The following ZNRF3 variants were observed in gnomAD, a reference collection of about 807,000 sequenced individuals.
ZNRF3 encodes zinc and ring finger 3.
ZNRF3 carries 23 observed loss-of-function variants against 72.5 expected under a neutral mutation model. That is an observed-to-expected ratio of 0.32 (90% confidence interval 0.23 to 0.45). The LOEUF (loss-of-function observed/expected upper bound fraction) is 0.45, where lower values mean the gene tolerates loss of function less well. Ranked by LOEUF, ZNRF3 falls within the 20% of genes least tolerant of loss-of-function variation. The pLI is 1.00. For synonymous variants in ZNRF3, 610 were observed against 545.3 expected, an observed-to-expected ratio of 1.12 and a Z score of -1.65; for missense variants, 1,169 against 1,272.1, an observed-to-expected ratio of 0.92 and a Z score of 1.23.
At position 29,022,456 on chromosome 22, in the gene ZNRF3, GGT is replaced by G. The variant is rs540343092; in HGVS notation, c.427-20038_427-20037del. Among the ~76,000 whole-genome samples the G allele has an allele frequency of 1.7e-3, 252 of 152,304 alleles. 1 individual carries two copies. Among genetic ancestry groups the G allele is most frequent in the Middle Eastern group, 6.8e-3 (2 of 294 alleles). ...AGCCTGGTATTTCTGAGTCTTGGTTGGTCCCTGCCCATCACTGGATCTTGGTG... is the reference window on the plus strand; with the variant it reads ...AGCCTGGTATTTCTGAGTCTTGGTTGCCCTGCCCATCACTGGATCTTGGTG... On this transcript the variant is annotated intron_variant, in intron 2 of 8. Transcript: ENST00000544604.
chr22:29,030,824 G>A lies in ZNRF3; in HGVS notation c.427-11671G>A, dbSNP rs561228886. ...AGGGCTCCTGGCGCGGGGAGGAGCC[G>A]CGGGAGGGGGGATGTTGGCCGCAGG... is the stretch of plus-strand genomic sequence containing the variant. On this transcript the variant is annotated intron_variant, in intron 2 of 8. Coordinates refer to ENST00000544604, the MANE Select transcript of ZNRF3 (RefSeq NM_001206998.2). This position sits in a 1 kb window ranked among gnomAD's most constrained non-coding sequence, Gnocchi z 4.2. Among the ~76,000 whole-genome samples the A allele has an allele frequency of 6.6e-6, 1 of 152,244 alleles. No individual in the cohort carries two copies. The highest frequency in any genetic ancestry group is 1.9e-4 in the East Asian group (1 of 5,170).
At position 29,030,946 on chromosome 22, in the gene ZNRF3, C is replaced by A; in HGVS notation, c.427-11549C>A. On this transcript the variant is annotated intron_variant, in intron 2 of 8. Coordinates refer to ENST00000544604, the MANE Select transcript of ZNRF3 (RefSeq NM_001206998.2). This position sits in a 1 kb window ranked among gnomAD's most constrained non-coding sequence, Gnocchi z 4.2. ...GCCGGGCTGCAGCCAAGCCCTGGAG[C>A]GAGGAGCCGGCGGGTGGAGCTGGCA... 6.6e-6 allele frequency: 1 copy of A among 152,640 alleles called. No homozygotes were observed. The highest frequency in any genetic ancestry group is 1.5e-5 in the Non-Finnish European group (1 of 68,328). The allele number at this position is 152,640 out of a possible 1,614,324, so 9.5% of individuals were successfully genotyped here. A position where few individuals can be genotyped will look rare whatever the true frequency, so the allele number is the denominator to read the frequency against.
intron 2 of ZNRF3, among the ~76,000 whole-genome samples, chr22:29,008,764 C>T (rs2036300919): frequency 6.6e-6 from 1 of 152,146 alleles, no homozygotes; most frequent in African/African-American, 2.4e-5. Context: ...CCAGCTTTAA[C>T]CAGAAGGACT....
At chr22:29,016,262 G>A (rs1429914686) in intron 2 of ZNRF3, among the ~76,000 whole-genome samples, 1 of 152,204 alleles carries the variant, frequency 6.6e-6, no homozygotes, top group Admixed American at 6.5e-5. Context: ...TCTGGGAGGT[G>A]AAGTGGTATG....
chr22:28,947,239 C>T (rs2035069343), intron 1 of ZNRF3, among the ~76,000 whole-genome samples: 2 of 152,190 alleles, frequency 1.3e-5, no homozygotes, highest in African/African-American at 4.8e-5. Context: ...TGTGGATATA[C>T]CACATTTTAT....
intron 1 of ZNRF3, among the ~76,000 whole-genome samples, chr22:28,981,309 G>C (rs1276176315): frequency 6.6e-6 from 1 of 152,174 alleles, no homozygotes; most frequent in South Asian, 2.1e-4. Flanking sequence ...TTGTTATCCA[G>C]ATAAGGACCT....
intron 1 of ZNRF3, among the ~76,000 whole-genome samples, chr22:28,909,073 G>T (rs7364229): frequency 0.23 from 35,558 of 151,382 alleles, 4,540 homozygotes; most frequent in East Asian, 0.48. Context: ...TTTTTTTTGT[G>T]TGTGTGTATT....
At chr22:28,980,881 C>T (rs2035752194) in intron 1 of ZNRF3, among the ~76,000 whole-genome samples, 1 of 151,974 alleles carries the variant, frequency 6.6e-6, no homozygotes, top group Non-Finnish European at 1.5e-5. Context: ...ATTAGTAGTT[C>T]TTGAGTTCTT....
intron 2 of ZNRF3, among the ~76,000 whole-genome samples, chr22:29,010,562 T>G (rs996939690): frequency 1.3e-5 from 2 of 152,242 alleles, no homozygotes; most frequent in African/African-American, 4.8e-5. Flanking sequence ...ACCATATATA[T>G]TCTGTATATT....
rs2037121211 is a variant in ZNRF3, at chr22:29,048,768, A to G, written c.1015+277A>G. On this transcript the variant is annotated intron_variant, in intron 7 of 8. Transcript: ENST00000544604. This position sits in a 1 kb window ranked among gnomAD's most constrained non-coding sequence, Gnocchi z 4.9. The stretch of plus-strand genomic sequence containing the variant: ...TAGGCCTGAGGCCCCTAATCTCTTT[A>G]GTGGCAATGACAGTAATGGTGTTTG... 6.6e-6 allele frequency among the ~76,000 whole-genome samples: 1 copy of G among 152,194 alleles called. No homozygotes were observed. Among genetic ancestry groups the G allele is most frequent in the Non-Finnish European group, 1.5e-5 (1 of 68,046 alleles).
rs116756935 is a variant in ZNRF3 at position 28,941,248 on chromosome 22, G to A, written c.301-45828G>A. ...GTGCACCTGCTTGTTTATTAGATGC[G>A]TGGCTGTAAGTCATCTGGAGTAGTG... On this transcript the variant is annotated intron_variant, in intron 1 of 8. Transcript: ENST00000544604. Among the ~76,000 whole-genome samples, 307 of 152,206 alleles carry A rather than the reference G, an allele frequency of 2.0e-3. 2 individuals carry two copies. The highest frequency in any genetic ancestry group is 6.8e-3 in the Middle Eastern group (2 of 292).
intron 5 of ZNRF3, among the ~76,000 whole-genome samples, chr22:29,045,631 G>C (rs1159930647): frequency 6.6e-6 from 1 of 152,086 alleles, no homozygotes; most frequent in Middle Eastern, 3.4e-3. Flanking sequence ...TGGAATTACA[G>C]GCACCCGGCT....
At chr22:28,898,460 C>A (rs540098138) in intron 1 of ZNRF3, among the ~76,000 whole-genome samples, 1 of 152,354 alleles carries the variant, frequency 6.6e-6, no homozygotes, top group African/African-American at 2.4e-5. Context: ...TGTGCCTGCC[C>A]TGGGAACATT....
intron 1 of ZNRF3, among the ~76,000 whole-genome samples, chr22:28,908,794 G>T (rs1469818268): frequency 6.6e-6 from 1 of 152,218 alleles, no homozygotes; most frequent in African/African-American, 2.4e-5. Context: ...TTTTAAAGCG[G>T]TGATTAGATT....
intron 2 of ZNRF3, among the ~76,000 whole-genome samples, chr22:28,997,919 A>G (rs529132361): frequency 6.7e-6 from 1 of 149,206 alleles, no homozygotes; most frequent in Non-Finnish European, 1.5e-5. Flanking sequence ...TGGGAGGATC[A>G]TTTGAGCCCA....
rs1209215416 is a variant in ZNRF3 at position 29,044,895 on chromosome 22, T to C, written c.744+5T>C. The C allele has an allele frequency of 1.2e-6, 2 of 1,604,776 alleles. No homozygotes were observed. Among genetic ancestry groups the C allele is most frequent in the Admixed American group, 3.3e-5 (2 of 59,982 alleles). ...CTGAAGCAGCGACGCAGTCAGGTAG[T>C]GCCTCTGTGTGTAGCCCGTGAGCAG... On this transcript the variant is annotated splice_donor_5th_base_variant and intron_variant, in intron 5 of 8. Coordinates refer to ENST00000544604, the MANE Select transcript of ZNRF3 (RefSeq NM_001206998.2).
At chr22:29,020,629 A>G (rs188234926) in intron 2 of ZNRF3, among the ~76,000 whole-genome samples, 171 of 151,978 alleles carry the variant, frequency 1.1e-3, no homozygotes, top group African/African-American at 3.8e-3. Flanking sequence ...TGTGAAACCC[A>G]CTGATAAGGA....
At chr22:29,040,995 G>A (rs1410510779) in intron 2 of ZNRF3, among the ~76,000 whole-genome samples, 1 of 152,092 alleles carries the variant, frequency 6.6e-6, no homozygotes. Flanking sequence ...AAGCACTGTG[G>A]CCCATAGTAA....
chr22:28,909,394 C>T (rs745896019), intron 1 of ZNRF3, among the ~76,000 whole-genome samples: 1 of 152,030 alleles, frequency 6.6e-6, no homozygotes, highest in African/African-American at 2.4e-5. Context: ...GTTTACTAAC[C>T]TTACTGTGGA....
Sources: gnomAD v4.1 joint callset for allele counts (sites outside exome capture counted in the v4.1 genomes callset) on GRCh38, gnomAD v4.1.1 for gene constraint, Gnocchi (gnomAD v3.1) non-coding constraint, MANE v1.5 for transcripts, NCBI Gene and HGNC (gene_info 2026-07-23, HGNC 2026-07-21) for gene names.